The following PSD3 variants were observed in gnomAD, a reference collection of about 807,000 sequenced individuals.
PSD3 encodes the protein pleckstrin and Sec7 domain containing 3, also known as PH and SEC7 domain-containing protein 3.
A neutral mutation model predicts 105.5 loss-of-function variants in PSD3; 49 were observed. The observed-to-expected ratio is 0.46, with a 90% CI of 0.37 to 0.59. The LOEUF (loss-of-function observed/expected upper bound fraction) is 0.59. Ranked by LOEUF, PSD3 falls within the 20% of genes least tolerant of loss-of-function variation. The pLI is 0.00. For synonymous variants in PSD3, 557 were observed against 457.8 expected (o/e 1.22, Z -2.77); for missense variants, 1,561 against 1,263.8 (o/e 1.24, Z -3.57).
At chr8:18,793,165 C>G (rs1037956704) in intron 8 of PSD3, among the ~76,000 whole-genome samples, 3 of 151,700 alleles carry the variant, frequency 2.0e-5, no homozygotes, top group Non-Finnish European at 2.9e-5. Context: ...TTGCACACCC[C>G]CTGTCGTGGG....
intron 13 of PSD3, 66 bp downstream of exon 13, chr8:18,575,062 T>G: frequency 6.8e-7 from 1 of 1,481,146 alleles, no homozygotes; most frequent in Non-Finnish European, 9.0e-7. Context: ...TTGATTTTGT[T>G]CCTTGCAATA....
intron 1 of PSD3, among the ~76,000 whole-genome samples, chr8:18,984,103 A>G (rs1825379748): frequency 6.6e-6 from 1 of 151,516 alleles, no homozygotes. Context: ...AGAATTACAA[A>G]AAGGTGACAG....
intron 1 of PSD3, among the ~76,000 whole-genome samples, chr8:19,076,743 A>C (rs1350820981): frequency 6.6e-6 from 1 of 152,200 alleles, no homozygotes; most frequent in African/African-American, 2.4e-5. Context: ...TCTGTGGGAC[A>C]TGTTAAAAGA....
rs115081232 is a variant in PSD3 at position 19,040,622 on chromosome 8, G to A, written c.324+43584C>T. On this transcript the variant is annotated intron_variant, in intron 1 of 1. Transcript: ENST00000521475. Reference sequence around the variant, plus strand: ...GCCCTGTGGAGAATAAAGCACGGGCGTTGGGGCAGGACAACAGTGACAGCA... The same window carrying A: ...GCCCTGTGGAGAATAAAGCACGGGCATTGGGGCAGGACAACAGTGACAGCA... Among the ~76,000 whole-genome samples, 911 of 152,296 alleles carry A rather than the reference G, an allele frequency of 6.0e-3. 15 individuals carry two copies. The highest frequency in any genetic ancestry group is 0.021 in the African/African-American group (858 of 41,566).
At chr8:18,902,144 T>C (rs1025644628) in intron 2 of PSD3, among the ~76,000 whole-genome samples, 20 of 152,348 alleles carry the variant, frequency 1.3e-4, no homozygotes, top group Admixed American at 5.2e-4. Flanking sequence ...ATATGCTTTC[T>C]ATGCTTTTTT....
chr8:18,790,254 T>A (rs1809572338), intron 8 of PSD3, among the ~76,000 whole-genome samples: 1 of 152,166 alleles, frequency 6.6e-6, no homozygotes, highest in Non-Finnish European at 1.5e-5. Flanking sequence ...ATTCTCAATT[T>A]CAATTTACAA....
chr8:18,770,226 C>A (rs1585908436), intron 8 of PSD3, among the ~76,000 whole-genome samples: 1 of 151,970 alleles, frequency 6.6e-6, no homozygotes, highest in Non-Finnish European at 1.5e-5. Flanking sequence ...TGACTAATGA[C>A]CCTCAGCTTT....
At chr8:18,911,221 G>C (rs950501658) in intron 2 of PSD3, among the ~76,000 whole-genome samples, 17 of 152,174 alleles carry the variant, frequency 1.1e-4, no homozygotes, top group African/African-American at 4.1e-4. Context: ...GGGAGACACA[G>C]ACACAGACTT....
intron 1 of PSD3, among the ~76,000 whole-genome samples, chr8:19,036,662 C>T (rs1827952761): frequency 6.6e-6 from 1 of 152,162 alleles, no homozygotes; most frequent in Non-Finnish European, 1.5e-5. Flanking sequence ...GGTTGGAAAT[C>T]TTATCCATGC....
At chr8:18,706,921 T>A (rs1370476840) in intron 9 of PSD3, among the ~76,000 whole-genome samples, 1 of 152,168 alleles carries the variant, frequency 6.6e-6, no homozygotes, top group Admixed American at 6.5e-5. Flanking sequence ...AACTGGCATT[T>A]AAATTTAATT....
intron 4 of PSD3, among the ~76,000 whole-genome samples, chr8:18,805,498 A>T (rs560826314): frequency 1.3e-5 from 2 of 152,208 alleles, no homozygotes; most frequent in African/African-American, 4.8e-5. Context: ...AATTGTGGAT[A>T]TTCTTTTTTG....
At chr8:18,849,561 G>A (rs192340327) in intron 4 of PSD3, 2 of 152,140 alleles carry the variant, frequency 1.3e-5, no homozygotes, top group East Asian at 1.9e-4. Context: ...CTGAAATATC[G>A]GCATTATCCT....
intron 3 of PSD3, among the ~76,000 whole-genome samples, chr8:18,869,190 CTT>C (rs10648699): frequency 8.4e-5 from 10 of 119,744 alleles, no homozygotes; most frequent in African/African-American, 1.3e-4. Context: ...CTCTCCCCTG[CTT>C]TTTTTTTTTT....
chr8:18,754,240 A>T (rs1805838072), intron 9 of PSD3, among the ~76,000 whole-genome samples: 2 of 151,956 alleles, frequency 1.3e-5, no homozygotes, highest in Non-Finnish European at 2.9e-5. Flanking sequence ...AAAAATTAGG[A>T]GGGCGTGGTG....
At chr8:18,581,311 C>T (rs1030482078) in intron 12 of PSD3, among the ~76,000 whole-genome samples, 1 of 152,112 alleles carries the variant, frequency 6.6e-6, no homozygotes, top group Non-Finnish European at 1.5e-5. Context: ...CTTCCATGAA[C>T]GCTTCACATT....
chr8:18,956,514 T>G (rs1179263357), intron 1 of PSD3, among the ~76,000 whole-genome samples: 2 of 152,188 alleles, frequency 1.3e-5, no homozygotes, highest in Admixed American at 6.5e-5. Flanking sequence ...TATATTTAGT[T>G]GGTAGTCAAT....
At chr8:18,755,951 C>A (rs1000842551) in intron 9 of PSD3, among the ~76,000 whole-genome samples, 2 of 152,108 alleles carry the variant, frequency 1.3e-5, no homozygotes, top group Non-Finnish European at 2.9e-5. Context: ...AGGGCAGAAG[C>A]GGAAACACGC....
intron 2 of PSD3, among the ~76,000 whole-genome samples, chr8:18,882,031 A>AC (rs1214058958): frequency 6.6e-6 from 1 of 151,924 alleles, no homozygotes; most frequent in African/African-American, 2.4e-5. Context: ...AAACAGGGAG[A>AC]CCCCTCCTCT....
chr8:18,727,551 AACACACACAC>A (rs56410753), intron 9 of PSD3, among the ~76,000 whole-genome samples: 379 of 137,704 alleles, frequency 2.8e-3, no homozygotes, highest in African/African-American at 9.9e-3. Flanking sequence ...AAAAAATCCA[AACACACACAC>A]ACACACACAC....
Sources: gnomAD v4.1 joint callset for allele counts (sites outside exome capture counted in the v4.1 genomes callset) on GRCh38, gnomAD v4.1.1 for gene constraint, MANE v1.5 for transcripts, NCBI Gene and HGNC (gene_info 2026-07-23, HGNC 2026-07-21) for gene names.